Variants in VPS13B observed in about 807,000 individuals in gnomAD.
VPS13B encodes intermembrane lipid transfer protein VPS13B.
A neutral mutation model predicts 426.4 loss-of-function variants in VPS13B; 285 were observed. The observed-to-expected ratio is 0.67, with a 90% CI of 0.61 to 0.74. VPS13B has a LOEUF of 0.74. VPS13B is among the 30% of genes least tolerant of loss of function. The pLI, the probability that VPS13B is intolerant of heterozygous loss-of-function variation, is 0.00. For synonymous variants in VPS13B, 1,676 were observed against 1,676.4 expected (o/e 1.00, Z 0.01); for missense variants, 4,537 against 4,782.6 (o/e 0.95, Z 1.51).
At chr8:99,169,804 A>G (rs1486229968) in intron 15 of VPS13B, among the ~76,000 whole-genome samples, 1 of 152,066 alleles carries the variant, frequency 6.6e-6, no homozygotes, top group Non-Finnish European at 1.5e-5. Flanking sequence ...AAATTTGTCA[A>G]AAGAGCAGTG....
chr8:99,834,943 C>T (rs1307384349), intron 52 of VPS13B, among the ~76,000 whole-genome samples: 2 of 152,174 alleles, frequency 1.3e-5, no homozygotes, highest in Non-Finnish European at 2.9e-5. Flanking sequence ...AAAAGAACAA[C>T]AGGAAATATT....
chr8:99,501,740 G>A lies in VPS13B; in HGVS notation c.3924G>A (p.Leu1308=), dbSNP rs1484340805. 1 of 1,613,916 alleles carries A rather than the reference G, an allele frequency of 6.2e-7. No individual in the cohort carries two copies. The highest frequency in any genetic ancestry group is 2.2e-5 in the East Asian group (1 of 44,860). The change falls in exon 26 of 62, where the codon TTG becomes TTA. Residue 1308 remains leucine (L), a synonymous_variant. Transcript: ENST00000357162. ...EESPFSDSVT[L]EQTTSNIGGT... ...CACCATTCTCAGATTCTGTGACCTT[G>A]GAACAAACTACAAGTAATATTGGAG...
At chr8:99,649,707 GA>G (rs1173648362) in intron 34 of VPS13B, among the ~76,000 whole-genome samples, 7 of 149,328 alleles carry the variant, frequency 4.7e-5, no homozygotes, top group African/African-American at 1.5e-4. Flanking sequence ...AGGAGAGAGA[GA>G]AAAAAAAAGA....
chr8:99,486,464 G>A (rs572834110), intron 25 of VPS13B, among the ~76,000 whole-genome samples: 1 of 152,122 alleles, frequency 6.6e-6, no homozygotes, highest in East Asian at 1.9e-4. Flanking sequence ...GACCTCAGGT[G>A]TTCTGCCTCC....
At chr8:99,305,660 C>T (rs1820598082) in intron 19 of VPS13B, among the ~76,000 whole-genome samples, 1 of 152,114 alleles carries the variant, frequency 6.6e-6, no homozygotes, top group Non-Finnish European at 1.5e-5. Context: ...TACTTTTAGG[C>T]ATATGGTTGG....
chr8:99,107,864 G>A (rs553324613), intron 5 of VPS13B, among the ~76,000 whole-genome samples: 3 of 152,232 alleles, frequency 2.0e-5, no homozygotes, highest in Non-Finnish European at 4.4e-5. Context: ...TGTATTTTAG[G>A]TTGAGAGGGT....
intron 19 of VPS13B, among the ~76,000 whole-genome samples, chr8:99,360,123 TTTC>T (rs1812424341): frequency 5.4e-5 from 1 of 18,366 alleles, no homozygotes; most frequent in African/African-American, 1.8e-4. Flanking sequence ...TTTCCTTATC[TTTC>T]TTTCTTTCTT....
In VPS13B at chr8:99,063,361, C is replaced by A. The variant is rs1007112176; in HGVS notation, c.291+24795C>A. Among the ~76,000 whole-genome samples the A allele has an allele frequency of 7.9e-5, 12 of 152,332 alleles. No individual in the cohort carries two copies. In the East Asian group the frequency reaches 2.3e-3, roughly 29 times the overall value. On this transcript the variant is annotated intron_variant, in intron 3 of 61. Coordinates refer to ENST00000357162, the MANE Select transcript of VPS13B (RefSeq NM_152564.5). ...CGGTACCTGGAAAAACAGGACACTC[C>A]TGCCCAAATACTGTACTTTTCCAAT...
At chr8:99,450,917 A>G (rs1276261878) in intron 23 of VPS13B, among the ~76,000 whole-genome samples, 1 of 152,162 alleles carries the variant, frequency 6.6e-6, no homozygotes, top group Admixed American at 6.5e-5. Context: ...CTAAGATTAT[A>G]TACTCAAACC....
chr8:99,736,943 AG>A (rs1408193015), intron 39 of VPS13B, among the ~76,000 whole-genome samples: 1 of 151,952 alleles, frequency 6.6e-6, no homozygotes, highest in Non-Finnish European at 1.5e-5. Context: ...AATTTTCCCA[AG>A]GGCATTCCAT....
chr8:99,342,193 T>C (rs1236043605), intron 19 of VPS13B, among the ~76,000 whole-genome samples: 1 of 152,252 alleles, frequency 6.6e-6, no homozygotes, highest in East Asian at 1.9e-4. Flanking sequence ...GTGGCATGAT[T>C]AAATCAAGAC....
chr8:99,606,912 C>T (rs748510781), intron 33 of VPS13B, among the ~76,000 whole-genome samples: 2 of 152,162 alleles, frequency 1.3e-5, no homozygotes, highest in African/African-American at 2.4e-5. Context: ...TCTGACTGCT[C>T]TTCCATCATT....
At chr8:99,703,082 T>A (rs993798186) in intron 36 of VPS13B, among the ~76,000 whole-genome samples, 2 of 152,166 alleles carry the variant, frequency 1.3e-5, no homozygotes, top group African/African-American at 4.8e-5. Flanking sequence ...GTTAATTTTC[T>A]CCCCCGGGCA....
At chr8:99,761,120 G>A (rs1810908066) in intron 39 of VPS13B, among the ~76,000 whole-genome samples, 1 of 152,168 alleles carries the variant, frequency 6.6e-6, no homozygotes, top group South Asian at 2.1e-4. Flanking sequence ...ATTTTTAATA[G>A]GGGTTTCATT....
intron 34 of VPS13B, among the ~76,000 whole-genome samples, chr8:99,647,584 A>G (rs564939540): frequency 1.3e-5 from 2 of 152,254 alleles, no homozygotes; most frequent in South Asian, 4.1e-4. Flanking sequence ...AAAAAAAAAA[A>G]AAAAAAGGTT....
chr8:99,360,164 T>C (rs867583311), intron 19 of VPS13B, among the ~76,000 whole-genome samples: 434 of 39,600 alleles, frequency 0.011, 25 homozygotes, highest in African/African-American at 0.048. Flanking sequence ...CTTTCTTTCT[T>C]TCTTTCTTTC....
chr8:99,257,658 G>C (rs1053981732), intron 17 of VPS13B, among the ~76,000 whole-genome samples: 2 of 151,970 alleles, frequency 1.3e-5, no homozygotes, highest in Non-Finnish European at 2.9e-5. Flanking sequence ...AGCTTCTTTA[G>C]CCATGCTTCA....
chr8:99,260,946 TA>T (rs1013449725), intron 17 of VPS13B, among the ~76,000 whole-genome samples: 4 of 151,666 alleles, frequency 2.6e-5, no homozygotes, highest in Non-Finnish European at 5.9e-5. Context: ...TTTCTTTTTT[TA>T]AAAAAAAACT....
chr8:99,795,850 C>A (rs1812782228), intron 43 of VPS13B, among the ~76,000 whole-genome samples: 1 of 152,202 alleles, frequency 6.6e-6, no homozygotes, highest in South Asian at 2.1e-4. Context: ...TGATCCAAGG[C>A]AGAAGCCACA....
Sources: gnomAD v4.1 joint callset for allele counts (sites outside exome capture counted in the v4.1 genomes callset) on GRCh38, gnomAD v4.1.1 for gene constraint, MANE v1.5 for transcripts, NCBI Gene and HGNC (gene_info 2026-07-23, HGNC 2026-07-21) for gene names.